Variants in PDE3B observed in about 807,000 individuals in gnomAD.
PDE3B encodes cGMP-inhibited 3',5'-cyclic phosphodiesterase 3B.
In PDE3B, 66 loss-of-function variants were observed where a neutral mutation model predicts 116.8. The observed-to-expected ratio is 0.56, with a 90% CI of 0.46 to 0.69. PDE3B has a LOEUF of 0.69. Among genes scored for constraint, PDE3B ranks in the 30% least tolerant of loss-of-function variants. The pLI is 0.00. For missense variants in PDE3B, 1,384 were observed against 1,368.1 expected, an observed-to-expected ratio of 1.01 and a Z score of -0.18; for synonymous variants, 595 against 533.6, an observed-to-expected ratio of 1.12 and a Z score of -1.59.
chr11:14,709,423 TA>T (rs992015058), intron 1 of PDE3B, among the ~76,000 whole-genome samples: 1 of 152,220 alleles, frequency 6.6e-6, no homozygotes, highest in African/African-American at 2.4e-5. Context: ...CGGTGTGGAT[TA>T]AAGTCAGTTT....
chr11:14,772,289 T>C, intron 2 of PDE3B: 1 of 167,028 alleles, frequency 6.0e-6, no homozygotes, highest in Non-Finnish European at 1.3e-5. Context: ...AAGGATAAGA[T>C]TTTTTTCTTT....
the PDE3B span, among the ~76,000 whole-genome samples, chr11:14,899,212 T>G: frequency 6.6e-6 from 1 of 152,214 alleles, no homozygotes; most frequent in South Asian, 2.1e-4. Flanking sequence ...CCCTGCTTCT[T>G]TATTGAATAA....
chr11:14,814,966 T>A (rs186718510), intron 5 of PDE3B, among the ~76,000 whole-genome samples: 222 of 146,332 alleles, frequency 1.5e-3, no homozygotes, highest in African/African-American at 5.1e-3. Context: ...TGAGACTCCA[T>A]CTCAAAAAAA....
chr11:14,831,157 C>T (rs1272803093), intron 8 of PDE3B, among the ~76,000 whole-genome samples: 1 of 151,422 alleles, frequency 6.6e-6, no homozygotes, highest in South Asian at 2.1e-4. Flanking sequence ...AGAATATGTG[C>T]ATGTTACTAA....
intron 2 of PDE3B, among the ~76,000 whole-genome samples, chr11:14,778,384 C>A (rs933426639): frequency 6.6e-6 from 1 of 152,210 alleles, no homozygotes; most frequent in Non-Finnish European, 1.5e-5. Flanking sequence ...GGGTCCCTGA[C>A]CCCCGAGTAG....
At chr11:14,673,890 T>G (rs1220490272) in intron 1 of PDE3B, 7 of 1,437,688 alleles carry the variant, frequency 4.9e-6, no homozygotes, top group Non-Finnish European at 6.9e-6. Flanking sequence ...GAAGTATTCT[T>G]TTATCCCTGC....
chr11:14,844,378 GC>G (rs1302122107), intron 12 of PDE3B, among the ~76,000 whole-genome samples: 1 of 152,246 alleles, frequency 6.6e-6, no homozygotes, highest in Non-Finnish European at 1.5e-5. Flanking sequence ...AATAGGAACA[GC>G]TCTGGTCTAC....
chr11:14,711,059 C>CT (rs1855687997), intron 1 of PDE3B, among the ~76,000 whole-genome samples: 1 of 152,066 alleles, frequency 6.6e-6, no homozygotes, highest in Non-Finnish European at 1.5e-5. Context: ...AGGAAGATCT[C>CT]TGAGTTTAAG....
At chr11:14,705,135 G>T (rs1279642154) in intron 1 of PDE3B, among the ~76,000 whole-genome samples, 1 of 151,728 alleles carries the variant, frequency 6.6e-6, no homozygotes, top group East Asian at 1.9e-4. Flanking sequence ...TTTAGCATAT[G>T]ATACTGGAAT....
chr11:14,652,812 T>C (rs1297808197), intron 1 of PDE3B, among the ~76,000 whole-genome samples: 1 of 152,254 alleles, frequency 6.6e-6, no homozygotes, highest in Non-Finnish European at 1.5e-5. Flanking sequence ...TTTCACTTAG[T>C]ATAATCATCT....
At chr11:14,879,067 A>G in the PDE3B span, 1 of 1,419,424 alleles carries the variant, frequency 7.0e-7, no homozygotes, top group Non-Finnish European at 1.0e-6. Context: ...CTAATGAATT[A>G]TCATTATCCT....
Position 14,869,685 on chromosome 11 carries a change from C to G in PDE3B, c.*25C>G. Reference sequence around the variant, plus strand: ...GCGACAGTTTGAGTAAAAGAAAAGTCATATTGAAGAAGCCCAGAGGGTTGT... The same window carrying G: ...GCGACAGTTTGAGTAAAAGAAAAGTGATATTGAAGAAGCCCAGAGGGTTGT... On this transcript the variant is annotated 3_prime_UTR_variant, in exon 16 of 16. Transcript: ENST00000282096. 1 of 1,592,942 alleles carries G rather than the reference C, an allele frequency of 6.3e-7. No individual in the cohort carries two copies. Among genetic ancestry groups the G allele is most frequent in the Non-Finnish European group, 8.6e-7 (1 of 1,163,798 alleles).
downstream of PDE3B, chr11:14,872,092 T>G (rs1848149756): frequency 6.6e-6 from 1 of 152,338 alleles, no homozygotes; most frequent in Non-Finnish European, 1.5e-5. Flanking sequence ...TTACTTACTT[T>G]GTTGGTGCTA....
chr11:14,679,507 G>A (rs1854633092), intron 1 of PDE3B, among the ~76,000 whole-genome samples: 1 of 152,084 alleles, frequency 6.6e-6, no homozygotes, highest in African/African-American at 2.4e-5. Context: ...AGCCAGCCAG[G>A]ATGTAAAATA....
intron 14 of PDE3B, among the ~76,000 whole-genome samples, chr11:14,861,853 C>G (rs1019190912): frequency 6.6e-6 from 1 of 152,182 alleles, no homozygotes; most frequent in Non-Finnish European, 1.5e-5. Flanking sequence ...GACTTGGAGT[C>G]TTATACATTG....
intron 1 of PDE3B, among the ~76,000 whole-genome samples, chr11:14,712,358 T>TA (rs1484167589): frequency 6.6e-6 from 1 of 152,170 alleles, no homozygotes; most frequent in Non-Finnish European, 1.5e-5. Flanking sequence ...GCACTGAGAT[T>TA]ATAGGAGTGA....
chr11:14,834,954 T>C, intron 10 of PDE3B, 28 bp from the exon 11 acceptor site: 1 of 1,342,654 alleles, frequency 7.4e-7, no homozygotes, highest in Non-Finnish European at 1.1e-6. Context: ...GTGTTAAACC[T>C]AACAGAAAAA....
chr11:14,880,000 A>T, the PDE3B span: 1 of 833,146 alleles, frequency 1.2e-6, no homozygotes, highest in Non-Finnish European at 1.8e-6. Flanking sequence ...CTTTTTTGTA[A>T]CTATTAAATA....
chr11:14,682,634 T>TA (rs1854746058), intron 1 of PDE3B, among the ~76,000 whole-genome samples: 1 of 152,206 alleles, frequency 6.6e-6, no homozygotes, highest in Admixed American at 6.5e-5. Flanking sequence ...TTGGTCAATT[T>TA]AAAAAATATT....
Sources: allele counts gnomAD v4.1 joint callset (sites outside exome capture counted in the v4.1 genomes callset), GRCh38; gene constraint gnomAD v4.1.1; transcripts MANE v1.5; gene names NCBI Gene and HGNC (gene_info 2026-07-23, HGNC 2026-07-21).